MSRA: variants seen among roughly 807,000 people sequenced by gnomAD.
MSRA encodes the protein methionine sulfoxide reductase A, also known as mitochondrial peptide methionine sulfoxide reductase.
In MSRA, 54 loss-of-function variants were observed where a neutral mutation model predicts 31.3. The observed-to-expected ratio is 1.73, with a 90% CI of 1.39 to 2.17. The LOEUF (loss-of-function observed/expected upper bound fraction) is 2.17, where lower values mean the gene tolerates loss of function less well. Among genes scored for constraint, MSRA ranks in the 30% most tolerant of loss-of-function variants. MSRA has a pLI of 0.00. For missense variants in MSRA, 507 were observed against 300.9 expected (o/e 1.69, Z -5.07); for synonymous variants, 169 against 116.5 (o/e 1.45, Z -2.90).
At chr8:10,250,799 ATGCTGCTT>A in intron 3 of MSRA, 1 of 266,646 alleles carries the variant, frequency 3.8e-6, no homozygotes, top group East Asian at 7.2e-5. Context: ...AAATGGGGCA[ATGCTGCTT>A]GATGAAACCA....
chr8:10,192,045 CG>C (rs1807554805), intron 1 of MSRA, among the ~76,000 whole-genome samples: 3 of 152,190 alleles, frequency 2.0e-5, no homozygotes, highest in Admixed American at 1.3e-4. Context: ...GGCAAGCCTC[CG>C]TTTCCTGCCA....
In MSRA at chr8:10,116,987, T is replaced by C. The variant is rs988005694; in HGVS notation, c.142+62329T>C. On this transcript the variant is annotated intron_variant, in intron 1 of 5. Transcript: ENST00000317173. ...AAGATGGAGTTTTATTTGGGCCATA[T>C]TGAGGCAGAGGCTCAAATGTAGGTG... Among the ~76,000 whole-genome samples the C allele has an allele frequency of 3.9e-5, 6 of 152,274 alleles. No individual in the cohort carries two copies. In the East Asian group the frequency reaches 7.7e-4, roughly 20 times the overall value.
At chr8:10,161,556 G>C (rs940341686) in intron 1 of MSRA, among the ~76,000 whole-genome samples, 11 of 152,142 alleles carry the variant, frequency 7.2e-5, no homozygotes, top group African/African-American at 2.7e-4. Context: ...AAATGCTTTG[G>C]TCTCTTAGGA....
At chr8:10,181,961 T>C in intron 1 of MSRA, among the ~76,000 whole-genome samples, 1 of 151,974 alleles carries the variant, frequency 6.6e-6, no homozygotes, top group East Asian at 1.9e-4. Context: ...AAGTAAGAAA[T>C]TTTTTTTTCT....
At position 10,054,337 on chromosome 8, in the gene MSRA, G is replaced by C. The variant is rs111700701; in HGVS notation, c.-180G>C. 1 of 495,166 alleles carries C rather than the reference G, an allele frequency of 2.0e-6. No individual in the cohort carries two copies. The highest frequency in any genetic ancestry group is 4.8e-5 in the Admixed American group (1 of 20,978). The allele number at this position is 495,166 out of a possible 1,614,324, so 30.7% of individuals were successfully genotyped here. On this transcript the variant is annotated 5_prime_UTR_variant, in exon 1 of 6. Transcript: ENST00000317173. ...CCCGGTGACAGCCGGTACGGCCCCG[G>C]GTTTGGGCAACCTCGATTACGGGCG... is the stretch of plus-strand genomic sequence containing the variant.
chr8:10,104,273 A>G (rs1169847032), intron 1 of MSRA, among the ~76,000 whole-genome samples: 1 of 152,202 alleles, frequency 6.6e-6, no homozygotes, highest in African/African-American at 2.4e-5. Context: ...AGTATTTGTA[A>G]TGTGAACCCA....
intron 5 of MSRA, among the ~76,000 whole-genome samples, chr8:10,415,385 A>G (rs1808396180): frequency 6.6e-6 from 1 of 152,132 alleles, no homozygotes; most frequent in Non-Finnish European, 1.5e-5. Flanking sequence ...AGCCTTACAG[A>G]CCTTGCTGCA....
intron 5 of MSRA, among the ~76,000 whole-genome samples, chr8:10,416,440 C>T (rs947491414): frequency 1.3e-5 from 2 of 152,238 alleles, no homozygotes; most frequent in Non-Finnish European, 2.9e-5. Flanking sequence ...GTGGTGCTCC[C>T]AGCGTGGGTT....
chr8:10,179,780 A>G (rs147294430), intron 1 of MSRA, among the ~76,000 whole-genome samples: 201 of 152,312 alleles, frequency 1.3e-3, no homozygotes, highest in African/African-American at 4.6e-3. Context: ...AAGATATTCA[A>G]TGAGAGGTTG....
intron 5 of MSRA, among the ~76,000 whole-genome samples, chr8:10,329,783 G>C (rs1236826748): frequency 6.6e-6 from 1 of 151,342 alleles, no homozygotes; most frequent in South Asian, 2.1e-4. Flanking sequence ...AACACACTCA[G>C]GTTTCCCAGC....
chr8:10,360,663 G>C lies in MSRA; in HGVS notation c.543+40674G>C, dbSNP rs184669640. Among the ~76,000 whole-genome samples the C allele has an allele frequency of 3.9e-5, 6 of 152,294 alleles. No individual in the cohort carries two copies. In the East Asian group the frequency reaches 1.2e-3, roughly 29 times the overall value. On this transcript the variant is annotated intron_variant, in intron 5 of 5. Transcript: ENST00000317173. ...CACGAAACTGTCTAACTCTGGGTTT[G>C]AACTCCAGCCCCAAAGCAGGCACAA...
intron 5 of MSRA, among the ~76,000 whole-genome samples, chr8:10,344,887 A>G (rs1226837881): frequency 1.3e-5 from 2 of 152,144 alleles, no homozygotes; most frequent in African/African-American, 2.4e-5. Context: ...TACCCCAATC[A>G]TGGTGGTTTA....
At chr8:10,350,580 G>A (rs954629022) in intron 5 of MSRA, among the ~76,000 whole-genome samples, 1 of 152,248 alleles carries the variant, frequency 6.6e-6, no homozygotes, top group African/African-American at 2.4e-5. Context: ...GAACTCACTG[G>A]TCAGCAGCCG....
intron 5 of MSRA, among the ~76,000 whole-genome samples, chr8:10,359,891 C>T (rs1804742018): frequency 6.6e-6 from 1 of 152,226 alleles, no homozygotes; most frequent in Admixed American, 6.5e-5. Context: ...GTTCCATCTT[C>T]TGTTGCATCC....
chr8:10,106,793 T>G (rs1799910547), intron 1 of MSRA, among the ~76,000 whole-genome samples: 1 of 151,908 alleles, frequency 6.6e-6, no homozygotes, highest in Non-Finnish European at 1.5e-5. Context: ...TGTCCTTAGG[T>G]CATTCCTTCT....
At position 10,226,791 on chromosome 8, in the gene MSRA, G is replaced by A. The variant is rs901803647; in HGVS notation, c.212-18313G>A. ...CCCAGGCCAGCTGGTGTGCATATTT[G>A]TCAGGTCCTGTTAGAGCTCTACAGC... On this transcript the variant is annotated intron_variant, in intron 2 of 5. Coordinates refer to ENST00000317173, the MANE Select transcript of MSRA (RefSeq NM_012331.5). Among the ~76,000 whole-genome samples, 11 of 152,252 alleles carry A rather than the reference G, an allele frequency of 7.2e-5. No homozygotes were observed. The East Asian group carries it at 2.1e-3, about 29-fold the overall frequency.
chr8:10,195,619 T>C (rs1286692184), intron 1 of MSRA, among the ~76,000 whole-genome samples: 1 of 152,228 alleles, frequency 6.6e-6, no homozygotes, highest in East Asian at 1.9e-4. Context: ...GAGACAATAA[T>C]TGAATAAATT....
At chr8:10,321,631 C>T (rs923417391) in intron 5 of MSRA, among the ~76,000 whole-genome samples, 1 of 152,222 alleles carries the variant, frequency 6.6e-6, no homozygotes, top group South Asian at 2.1e-4. Flanking sequence ...GTGATGGGAG[C>T]ACTCTGAGAC....
intron 1 of MSRA, among the ~76,000 whole-genome samples, chr8:10,094,976 G>A (rs544519853): frequency 2.0e-5 from 3 of 152,080 alleles, no homozygotes; most frequent in Admixed American, 6.6e-5. Context: ...TTTTGAATAG[G>A]TACAGTTTGT....
Sources: allele counts gnomAD v4.1 joint callset (sites outside exome capture counted in the v4.1 genomes callset), GRCh38; gene constraint gnomAD v4.1.1; transcripts MANE v1.5; gene names NCBI Gene and HGNC (gene_info 2026-07-23, HGNC 2026-07-21).